FBXL18: variants seen among roughly 807,000 people sequenced by gnomAD.
FBXL18 encodes the protein F-box and leucine rich repeat protein 18.
A neutral mutation model predicts 46.0 loss-of-function variants in FBXL18; 36 were observed. That is an observed-to-expected ratio of 0.78 (90% CI 0.60 to 1.03). FBXL18 has a LOEUF of 1.03. FBXL18 is among the 50% of genes least tolerant of loss of function. FBXL18 has a pLI of 0.00. For missense variants in FBXL18, 977 were observed against 1,004.1 expected (o/e 0.97, Z 0.36); for synonymous variants, 557 against 465.3 (o/e 1.20, Z -2.54).
chr7:5,492,574 C>A (rs1783958441), intron 3 of FBXL18, among the ~76,000 whole-genome samples: 1 of 152,208 alleles, frequency 6.6e-6, no homozygotes, highest in African/African-American at 2.4e-5. Flanking sequence ...GGAGTCCTCA[C>A]CTTGGGACCT....
Position 5,463,717 on chromosome 7 carries a change from T to TATATA in FBXL18, c.2001-15875_2001-15874insTATAT, listed in dbSNP as rs1419053864. On this transcript the variant is annotated intron_variant and NMD_transcript_variant, in intron 4 of 6. Transcript: ENST00000415009. ...AACTATATATATATTTATTTATTTA[T>TATATA]TTATTTATTTATTTTTTTTTTTTTT... 3.2e-4 allele frequency among the ~76,000 whole-genome samples: 23 copies of TATATA among 71,730 alleles called. 2 individuals carry two copies. The highest frequency in any genetic ancestry group is 3.6e-4 in the Non-Finnish European group (14 of 38,384). The allele number at this position is 71,730 out of a possible 152,430, so 47.1% of individuals were successfully genotyped here.
intron 3 of FBXL18, among the ~76,000 whole-genome samples, chr7:5,498,571 T>C (rs1784146666): frequency 6.6e-6 from 1 of 151,966 alleles, no homozygotes. Context: ...GGGTAATTTT[T>C]CTTTTCTTTG....
chr7:5,513,747 T>C lies in FBXL18; in HGVS notation c.-73A>G. ...CTCCCACCTGCCCGGCTAGGGATGC[T>C]CGAAGCCGGCGCGTCCACCGCTCAA... is the stretch of plus-strand genomic sequence containing the variant. On this transcript the variant is annotated 5_prime_UTR_variant, in exon 1 of 5. Coordinates refer to ENST00000382368, the MANE Select transcript of FBXL18 (RefSeq NM_024963.6). 1 of 1,554,830 alleles carries C rather than the reference T, an allele frequency of 6.4e-7. No individual in the cohort carries two copies. The highest frequency in any genetic ancestry group is 8.7e-7 in the Non-Finnish European group (1 of 1,148,974).
chr7:5,466,867 C>T (rs1310011959), intron 4 of FBXL18, among the ~76,000 whole-genome samples: 2 of 152,144 alleles, frequency 1.3e-5, no homozygotes, highest in Non-Finnish European at 2.9e-5. Context: ...CGCCCCATCT[C>T]GGGACACAAA....
rs202076983 is a variant in FBXL18 at position 5,490,102 on chromosome 7, G to C, written c.2000+1129C>G. 2.2e-4 allele frequency: 301 copies of C among 1,361,770 alleles called. 2 individuals are homozygous for C. The highest frequency in any genetic ancestry group is 1.1e-3 in the Middle Eastern group (5 of 4,760). The allele number at this position is 1,361,770 out of a possible 1,614,324, so 84.4% of individuals were successfully genotyped here. On this transcript the variant is annotated intron_variant, in intron 4 of 4. Coordinates refer to ENST00000382368, the MANE Select transcript of FBXL18 (RefSeq NM_024963.6). ...ACCGCAAGGACAACAGACTACCCCA[G>C]AGTCTGGCAAGCAGGGTTGTCGGCG...
chr7:5,486,842 G>T (rs1312231835), intron 4 of FBXL18, among the ~76,000 whole-genome samples: 1 of 152,218 alleles, frequency 6.6e-6, no homozygotes, highest in East Asian at 1.9e-4. Context: ...CAGAGAGACG[G>T]TTGAGACCCC....
chr7:5,487,547 A>C (rs2128235009), intron 4 of FBXL18, among the ~76,000 whole-genome samples: 1 of 152,230 alleles, frequency 6.6e-6, no homozygotes, highest in Admixed American at 6.5e-5. Flanking sequence ...TCCAGGCGTG[A>C]ACTCCCATCC....
chr7:5,500,856 G>C lies in FBXL18; in HGVS notation c.1413C>G (p.Pro471=). Residue 471 remains proline, a synonymous_variant, in exon 3 of 5, where the codon CCC becomes CCG. Transcript: ENST00000382368. ...SPFSGQACPQ[P]SSVFWSLLKN... is the part of the protein sequence containing the mutation. The stretch of plus-strand genomic sequence containing the variant: ...TCAGCAGAGACCAGAACACGGAGGA[G>C]GGCTGGGGGCACGCCTGGCCCGAGA... 2 of 1,607,216 alleles carry C rather than the reference G, an allele frequency of 1.2e-6. No homozygotes were observed. Among genetic ancestry groups the C allele is most frequent in the Non-Finnish European group, 1.7e-6 (2 of 1,176,164 alleles).
intron 4 of FBXL18, chr7:5,489,185 A>G (rs1783849548): frequency 6.0e-6 from 3 of 504,166 alleles, no homozygotes; most frequent in Non-Finnish European, 1.2e-5. Flanking sequence ...ACTGAGAATA[A>G]TCACTTAGGG....
At chr7:5,497,137 G>C (rs1281498443) in intron 3 of FBXL18, among the ~76,000 whole-genome samples, 1 of 151,904 alleles carries the variant, frequency 6.6e-6, no homozygotes, top group Non-Finnish European at 1.5e-5. Context: ...AGAAGGTCGA[G>C]GCTGCAGTGA....
In FBXL18 at chr7:5,501,975, C is replaced by G. The variant is rs759748743; in HGVS notation, c.294G>C (p.Gln98His). 6.2e-7 allele frequency: 1 copy of G among 1,608,138 alleles called. No homozygotes were observed. The highest frequency in any genetic ancestry group is 1.1e-5 in the South Asian group (1 of 89,780). ...GCCAGTAGCAGCCAGCCATGCTCAG[C>G]TGCTGGATCTCCCGGCCGATCTCCT... ...LVKEIGREIQ[Q>H]LSMAGCYWLP... Residue 98 changes from glutamine to histidine, a missense_variant, in exon 3 of 5, where the codon CAG becomes CAC. Transcript: ENST00000382368.
At chr7:5,459,135 A>G (rs1352214402) in intron 4 of FBXL18, among the ~76,000 whole-genome samples, 1 of 152,226 alleles carries the variant, frequency 6.6e-6, no homozygotes, top group Non-Finnish European at 1.5e-5. Context: ...TCTGGATGAT[A>G]GAGCAAGACA....
chr7:5,470,736 C>A, intron 4 of FBXL18, among the ~76,000 whole-genome samples: 1 of 143,838 alleles, frequency 7.0e-6, no homozygotes, highest in East Asian at 2.0e-4. Context: ...GGGAGATGTC[C>A]ACTTCCTGAG....
chr7:5,513,593 G>T (rs1784597341), intron 1 of FBXL18, 64 bp downstream of exon 1: 2 of 1,585,592 alleles, frequency 1.3e-6, no homozygotes, highest in Admixed American at 1.7e-5. Flanking sequence ...GGTCGGGATG[G>T]AAGAACCCAG....
At position 5,476,016 on chromosome 7, in the gene FBXL18, G is replaced by C. The variant is rs1783503918; in HGVS notation, c.*5759C>G. 6.6e-6 allele frequency: 1 copy of C among 152,182 alleles called. No homozygotes were observed. The highest frequency in any genetic ancestry group is 2.4e-5 in the African/African-American group (1 of 41,412). The allele number at this position is 152,182 out of a possible 1,614,324, so 9.4% of individuals were successfully genotyped here. A position where few individuals can be genotyped will look rare whatever the true frequency, so the allele number is the denominator to read the frequency against. ...CGTGTCATTTAGCACCTGGTCATGAGATACGGCGAGACCCCCAGGTCCAGG... is the reference window on the plus strand; with the variant it reads ...CGTGTCATTTAGCACCTGGTCATGACATACGGCGAGACCCCCAGGTCCAGG... On this transcript the variant is annotated 3_prime_UTR_variant, in exon 5 of 5. Coordinates refer to ENST00000382368, the MANE Select transcript of FBXL18 (RefSeq NM_024963.6).
chr7:5,502,703 C>A (rs755010397), intron 2 of FBXL18, among the ~76,000 whole-genome samples: 1 of 151,926 alleles, frequency 6.6e-6, no homozygotes, highest in Non-Finnish European at 1.5e-5. Flanking sequence ...TGGTGGCAGG[C>A]ACCTGTAAGC....
chr7:5,501,314 A>G lies in FBXL18; in HGVS notation c.955T>C (p.Phe319Leu). Reference sequence around the variant, plus strand: ...GACAGGGTACAGCGGCTGAAACTGAAGTAGAACGGGTTGTTGAATTTCATG... The same window carrying G: ...GACAGGGTACAGCGGCTGAAACTGAGGTAGAACGGGTTGTTGAATTTCATG... ...QHMKFNNPFY[F>L]SFSRCTLSGG... Residue 319 changes from phenylalanine (F) to leucine (L), a missense_variant, in exon 3 of 5, where the codon TTC becomes CTC. Coordinates refer to ENST00000382368, the MANE Select transcript of FBXL18 (RefSeq NM_024963.6). 1 of 1,614,200 alleles carries G rather than the reference A, an allele frequency of 6.2e-7. No homozygotes were observed. The highest frequency in any genetic ancestry group is 8.5e-7 in the Non-Finnish European group (1 of 1,180,032).
intron 4 of FBXL18, among the ~76,000 whole-genome samples, chr7:5,463,704 ATTTATT>A (rs1358553997): frequency 5.5e-4 from 24 of 43,936 alleles, no homozygotes; most frequent in African/African-American, 6.3e-4. Context: ...CTATATATAT[ATTTATT>A]TATTTATTTA....
chr7:5,481,979 G>A (rs777234277), intron 4 of FBXL18, 48 bp from the exon 5 acceptor site: 14 of 1,552,598 alleles, frequency 9.0e-6, no homozygotes, highest in African/African-American at 1.4e-5. Context: ...GGCCACGGAG[G>A]GGGCGGAGCC....
Sources: gnomAD v4.1 joint callset for allele counts (sites outside exome capture counted in the v4.1 genomes callset) on GRCh38, gnomAD v4.1.1 for gene constraint, MANE v1.5 for transcripts, NCBI Gene and HGNC (gene_info 2026-07-23, HGNC 2026-07-21) for gene names.